CDC25C: variants seen among roughly 807,000 people sequenced by gnomAD.
The protein encoded by CDC25C is cell division cycle 25C.
CDC25C carries 48 observed loss-of-function variants against 52.5 expected under a neutral mutation model. The observed-to-expected ratio is 0.91, with a 90% CI of 0.72 to 1.16. The LOEUF (loss-of-function observed/expected upper bound fraction) is 1.16, where lower values mean the gene tolerates loss of function less well. Among genes scored for constraint, CDC25C ranks in the 50% most tolerant of loss-of-function variants. The pLI is 0.00. For missense variants in CDC25C, 510 were observed against 566.1 expected (o/e 0.90, Z 1.01); for synonymous variants, 187 against 206.5 (o/e 0.91, Z 0.81).
chr5:138,317,938 G>A (rs1312248396), intron 7 of CDC25C, among the ~76,000 whole-genome samples: 1 of 152,038 alleles, frequency 6.6e-6, no homozygotes, highest in Non-Finnish European at 1.5e-5. Context: ...TACTTTGATG[G>A]TGATCCACTC....
chr5:138,308,083 C>T (rs759197371), intron 7 of CDC25C, among the ~76,000 whole-genome samples: 16 of 152,258 alleles, frequency 1.1e-4, no homozygotes, highest in Middle Eastern at 3.4e-3. Context: ...TGTTAATGCT[C>T]GCTGGCCTGG....
chr5:138,334,384 C>G (rs531330852), upstream of CDC25C, among the ~76,000 whole-genome samples: 5 of 151,610 alleles, frequency 3.3e-5, no homozygotes, highest in African/African-American at 1.2e-4. Context: ...TTTTTTGAGA[C>G]AGTTTCTTTC....
At position 138,292,957 on chromosome 5, in the gene CDC25C, T is replaced by C. The variant is rs1280429956; in HGVS notation, c.616-841A>G. Among the ~76,000 whole-genome samples the C allele has an allele frequency of 5.9e-5, 9 of 152,336 alleles. No individual in the cohort carries two copies. The East Asian group carries it at 1.7e-3, about 29-fold the overall frequency. The stretch of plus-strand genomic sequence containing the variant: ...TTCTCTAAACACTTATCGCACTACC[T>C]GTTATGGACTGATTTAGGAGGGGGG... On this transcript the variant is annotated intron_variant, in intron 7 of 13. Coordinates refer to ENST00000323760, the MANE Select transcript of CDC25C (RefSeq NM_001790.5).
intron 8 of CDC25C, 107 bp downstream of exon 8, chr5:138,291,862 AG>A (rs1756747884): frequency 2.5e-6 from 2 of 794,650 alleles, no homozygotes; most frequent in Non-Finnish European, 3.8e-6. Flanking sequence ...AAAAAGTAAA[AG>A]TAAAGAGGAA....
intron 8 of CDC25C, among the ~76,000 whole-genome samples, chr5:138,291,269 G>T (rs941379811): frequency 3.9e-5 from 6 of 151,966 alleles, no homozygotes; most frequent in Admixed American, 1.3e-4. Flanking sequence ...TTTTTCAGAA[G>T]TTGCTTTCCA....
At chr5:138,320,984 A>G (rs1289885698) in intron 6 of CDC25C, among the ~76,000 whole-genome samples, 1 of 148,880 alleles carries the variant, frequency 6.7e-6, no homozygotes, top group African/African-American at 2.5e-5. Context: ...AGTCCCACCT[A>G]CTTGGTAGGC....
chr5:138,319,881 G>A (rs938193899), intron 6 of CDC25C, among the ~76,000 whole-genome samples: 1 of 152,200 alleles, frequency 6.6e-6, no homozygotes, highest in Non-Finnish European at 1.5e-5. Context: ...ACAAGTGTTT[G>A]TGCATTGCTG....
chr5:138,285,728 C>A lies in CDC25C; in HGVS notation c.1386G>T (p.Glu462Asp), dbSNP rs1402642041. The A allele has an allele frequency of 1.9e-6, 3 of 1,614,192 alleles. No homozygotes were observed. Among genetic ancestry groups the A allele is most frequent in the Non-Finnish European group, 1.7e-6 (2 of 1,180,024 alleles). Residue 462 changes from glutamate (E) to aspartate (D), a missense_variant, in exon 14 of 14, where the codon GAG becomes GAT. Coordinates refer to ENST00000323760, the MANE Select transcript of CDC25C (RefSeq NM_001790.5). ...KVQEGERQLR[E>D]QIALLVKDMS... is the part of the protein sequence containing the mutation. Reference sequence around the variant, plus strand: ...TGTCCTTCACCAGAAGGGCAATCTGCTCCCGCAGCTGCCGCTCCCCTTCCT... The same window carrying A: ...TGTCCTTCACCAGAAGGGCAATCTGATCCCGCAGCTGCCGCTCCCCTTCCT...
At chr5:138,290,337 TTTC>T (rs1756605621) in intron 9 of CDC25C, among the ~76,000 whole-genome samples, 1 of 152,200 alleles carries the variant, frequency 6.6e-6, no homozygotes, top group African/African-American at 2.4e-5. Context: ...TTGGGATAAA[TTTC>T]TTCATTTTCT....
At chr5:138,304,059 C>G (rs1757822868) in intron 7 of CDC25C, among the ~76,000 whole-genome samples, 1 of 152,226 alleles carries the variant, frequency 6.6e-6, no homozygotes, top group Non-Finnish European at 1.5e-5. Flanking sequence ...ACACTTCAAA[C>G]TGCATATGAC....
intron 7 of CDC25C, among the ~76,000 whole-genome samples, chr5:138,294,769 G>A (rs1020232958): frequency 3.9e-5 from 6 of 152,004 alleles, no homozygotes; most frequent in Non-Finnish European, 7.4e-5. Context: ...CCTCCAAAGT[G>A]CTGGGATTAC....
At chr5:138,306,679 T>C (rs1192750770) in intron 7 of CDC25C, among the ~76,000 whole-genome samples, 1 of 152,052 alleles carries the variant, frequency 6.6e-6, no homozygotes, top group Non-Finnish European at 1.5e-5. Context: ...TTTCATCATG[T>C]TGGCCAGGCT....
At chr5:138,318,982 CT>C (rs1221204436) in intron 7 of CDC25C, among the ~76,000 whole-genome samples, 3 of 152,214 alleles carry the variant, frequency 2.0e-5, no homozygotes, top group African/African-American at 7.2e-5. Context: ...ACCAACTGGG[CT>C]GTCTCTGTAC....
chr5:138,288,347 T>G (rs1756432096), intron 10 of CDC25C, among the ~76,000 whole-genome samples: 1 of 151,900 alleles, frequency 6.6e-6, no homozygotes, highest in Non-Finnish European at 1.5e-5. Flanking sequence ...AGTGCTGGGA[T>G]TACAGGTGTG....
At chr5:138,331,391 G>T (rs771322593) in intron 1 of CDC25C, among the ~76,000 whole-genome samples, 173 bp from the exon 2 acceptor site, 2 of 152,226 alleles carry the variant, frequency 1.3e-5, no homozygotes, top group African/African-American at 2.4e-5. Context: ...GCAACCTTAG[G>T]ACCTTAAAGA....
intron 1 of CDC25C, chr5:138,337,805 G>C (rs573076134): frequency 7.0e-5 from 31 of 440,960 alleles, no homozygotes; most frequent in South Asian, 3.6e-4. Context: ...CTGGGGGAAG[G>C]GGGATTCCTT....
At chr5:138,335,728 A>G (rs1453839043), upstream of CDC25C, among the ~76,000 whole-genome samples, 1 of 151,320 alleles carries the variant, frequency 6.6e-6, no homozygotes, top group African/African-American at 2.4e-5. Flanking sequence ...AAGGGGATGT[A>G]ACCTTCCTTT....
chr5:138,320,145 A>T (rs1759240519), intron 6 of CDC25C, among the ~76,000 whole-genome samples: 2 of 152,092 alleles, frequency 1.3e-5, no homozygotes, highest in Non-Finnish European at 2.9e-5. Context: ...TCTCTACTAA[A>T]AATACAAAAA....
Position 138,286,077 on chromosome 5 carries a change from T to C in CDC25C, c.1217A>G (p.Tyr406Cys), listed in dbSNP as rs1218168415. The C allele has an allele frequency of 1.2e-6, 2 of 1,614,000 alleles. No individual in the cohort carries two copies. The highest frequency in any genetic ancestry group is 1.7e-6 in the Non-Finnish European group (2 of 1,179,968). Residue 406 changes from tyrosine to cysteine, a missense_variant, in exon 13 of 14, where the codon TAC becomes TGC. Physicochemically the swap from Tyr to Cys is radical, Grantham distance 194. Coordinates refer to ENST00000323760, the MANE Select transcript of CDC25C (RefSeq NM_001790.5). Reference sequence around the variant, plus strand: ...GCCTTTAAGGATATATAGCTCTGGGTAGTACAATGCAGGATACTGGTTCAG... The same window carrying C: ...GCCTTTAAGGATATATAGCTCTGGGCAGTACAATGCAGGATACTGGTTCAG... ...RSLNQYPALY[Y>C]PELYILKGGY... is the part of the protein sequence containing the mutation.
Sources: allele counts gnomAD v4.1 joint callset (sites outside exome capture counted in the v4.1 genomes callset), GRCh38; gene constraint gnomAD v4.1.1; transcripts MANE v1.5; gene names NCBI Gene and HGNC (gene_info 2026-07-23, HGNC 2026-07-21).